The following NSL1 variants were observed in gnomAD, a reference collection of about 807,000 sequenced individuals.
The protein encoded by NSL1 is NSL1 component of MIS12 kinetochore complex.
NSL1 carries 11 observed loss-of-function variants against 25.4 expected under a neutral mutation model. That is an observed-to-expected ratio of 0.43 (90% confidence interval 0.27 to 0.72). The LOEUF is 0.72. Ranked by LOEUF, NSL1 falls within the 30% of genes least tolerant of loss-of-function variation. The pLI, the probability that NSL1 is intolerant of heterozygous loss-of-function variation, is 0.19. For synonymous variants in NSL1, 118 were observed against 120.6 expected (o/e 0.98, Z 0.14); for missense variants, 330 against 342.7 (o/e 0.96, Z 0.29).
chr1:212,771,242 A>G (rs1660095020), intron 4 of NSL1, among the ~76,000 whole-genome samples: 1 of 152,174 alleles, frequency 6.6e-6, no homozygotes. Flanking sequence ...TGAATCTGGG[A>G]GGCAGAGGTT....
In NSL1 at chr1:212,737,526, A is replaced by G. The variant is rs778725759; in HGVS notation, c.*882T>C. 5 of 981,578 alleles carry G rather than the reference A, an allele frequency of 5.1e-6. No individual in the cohort carries two copies. The highest frequency in any genetic ancestry group is 6.1e-6 in the Non-Finnish European group (5 of 826,400). 60.8% of individuals were successfully genotyped at this position (981,578 alleles called of 1,614,324 possible). ...TAGTTAAATGTTAGAAGTAAAGCCA[A>G]TATCGTTTTCTCAGACTTCTCCCAG... On this transcript the variant is annotated 3_prime_UTR_variant, in exon 6 of 6. Transcript: ENST00000366977.
chr1:212,764,262 G>A (rs142294129), intron 4 of NSL1, among the ~76,000 whole-genome samples: 2,410 of 151,992 alleles, frequency 0.016, 56 homozygotes, highest in African/African-American at 0.052. Flanking sequence ...AAAACCTCTG[G>A]GATACAGCAA....
intron 4 of NSL1, among the ~76,000 whole-genome samples, chr1:212,779,790 C>A (rs1294206693): frequency 1.6e-5 from 2 of 125,598 alleles, no homozygotes; most frequent in African/African-American, 6.2e-5. Context: ...GTGGGGGGGT[C>A]AGCCCCCCGC....
At chr1:212,745,281 T>C (rs1571870862) in intron 4 of NSL1, among the ~76,000 whole-genome samples, 1 of 149,146 alleles carries the variant, frequency 6.7e-6, no homozygotes, top group African/African-American at 2.5e-5. Context: ...TAAGAGATAA[T>C]GGCCAATAAC....
Position 212,779,203 on chromosome 1 carries a change from C to T in NSL1, c.499+3169G>A, listed in dbSNP as rs1325955498. The stretch of plus-strand genomic sequence containing the variant: ...CTGGGAAGTGAGGAGCGTCTCCGCC[C>T]GGCCAGCCGCCCCGTCTGGGAGGGA... On this transcript the variant is annotated intron_variant, in intron 4 of 5. Coordinates refer to ENST00000366977, the MANE Select transcript of NSL1 (RefSeq NM_015471.4). 7.2e-5 allele frequency among the ~76,000 whole-genome samples: 11 copies of T among 151,846 alleles called. No homozygotes were observed. In the South Asian group the frequency reaches 2.1e-3, roughly 29 times the overall value.
At chr1:212,748,037 A>AT (rs34738785) in intron 4 of NSL1, among the ~76,000 whole-genome samples, 1 of 151,566 alleles carries the variant, frequency 6.6e-6, no homozygotes, top group Non-Finnish European at 1.5e-5. Context: ...AAGTGCTGGG[A>AT]TTACAGGTAT....
rs1658100826 is a variant in NSL1, at chr1:212,733,249, T to C, written c.*5159A>G. Among the ~76,000 whole-genome samples, 1 of 151,956 alleles carries C rather than the reference T, an allele frequency of 6.6e-6. No homozygotes were observed. The highest frequency in any genetic ancestry group is 2.4e-5 in the African/African-American group (1 of 41,374). On this transcript the variant is annotated 3_prime_UTR_variant, in exon 6 of 6. Coordinates refer to ENST00000366977, the MANE Select transcript of NSL1 (RefSeq NM_015471.4). ...GCTCACGAGTTTGAGACCAGCCACATAGCGAAACTCCGTCTCTACAAAAAA... is the reference window on the plus strand; with the variant it reads ...GCTCACGAGTTTGAGACCAGCCACACAGCGAAACTCCGTCTCTACAAAAAA...
In NSL1 at chr1:212,767,194, C is replaced by G. The variant is rs146472565; in HGVS notation, c.499+15178G>C. On this transcript the variant is annotated intron_variant, in intron 4 of 5. Transcript: ENST00000366977. ...TTACATTATCTGACTTCAAACTATA[C>G]TGTTAGGCCACAGTCACCAAAACAA... 3.5e-3 allele frequency among the ~76,000 whole-genome samples: 531 copies of G among 152,278 alleles called. 2 individuals carry two copies. The highest frequency in any genetic ancestry group is 0.012 in the African/African-American group (507 of 41,552).
Position 212,737,107 on chromosome 1 carries a change from A to G in NSL1, c.*1301T>C. ...ACGCAGGGTGCTGACCCACCATCCA[A>G]CTGAAGCTGAGCTCAGGAATGCCTA... On this transcript the variant is annotated 3_prime_UTR_variant, in exon 6 of 6. Coordinates refer to ENST00000366977, the MANE Select transcript of NSL1 (RefSeq NM_015471.4). The G allele has an allele frequency of 1.0e-6, 1 of 985,474 alleles. No individual in the cohort carries two copies. The highest frequency in any genetic ancestry group is 1.2e-6 in the Non-Finnish European group (1 of 829,936). 61.0% of individuals were successfully genotyped at this position (985,474 alleles called of 1,614,324 possible).
At position 212,726,839 on chromosome 1, in the gene NSL1, A is replaced by C. The variant is rs1657809753; in HGVS notation, c.*11569T>G. On this transcript the variant is annotated 3_prime_UTR_variant, in exon 6 of 6. Transcript: ENST00000366977. ...TCCATGTGGCACGTGGGGATCTCCA[A>C]ATGACTTCTGTGCAACAACAGAGCC... 6.4e-6 allele frequency: 2 copies of C among 312,658 alleles called. No individual in the cohort carries two copies. The highest frequency in any genetic ancestry group is 4.3e-5 in the African/African-American group (2 of 46,554). 19.4% of individuals were successfully genotyped at this position (312,658 alleles called of 1,614,324 possible).
intron 4 of NSL1, among the ~76,000 whole-genome samples, chr1:212,779,983 G>A (rs1455608947): frequency 4.3e-4 from 65 of 151,870 alleles, no homozygotes; most frequent in Middle Eastern, 6.8e-3. Flanking sequence ...CTGCCCGGCC[G>A]CCACCCCGTC....
intron 4 of NSL1, chr1:212,782,006 A>G (rs1255323594): frequency 3.8e-6 from 2 of 529,180 alleles, no homozygotes; most frequent in Admixed American, 2.0e-5. Flanking sequence ...TTACTGCACC[A>G]GGTGTGACAC....
rs1308215885 is a variant in NSL1, at chr1:212,761,457, C to T, written c.499+20915G>A. Among the ~76,000 whole-genome samples the T allele has an allele frequency of 3.9e-5, 6 of 152,012 alleles. No homozygotes were observed. The South Asian group carries it at 6.2e-4, about 16-fold the overall frequency. On this transcript the variant is annotated intron_variant, in intron 4 of 5. Transcript: ENST00000366977. ...GAGTTTGGGGCCAGCCTTAGCAACACGGCAAAACCTTGCCTTTACAAAAAA... is the reference window on the plus strand; with the variant it reads ...GAGTTTGGGGCCAGCCTTAGCAACATGGCAAAACCTTGCCTTTACAAAAAA...
chr1:212,781,654 T>C (rs1660738459), intron 4 of NSL1, among the ~76,000 whole-genome samples: 1 of 152,198 alleles, frequency 6.6e-6, no homozygotes, highest in Admixed American at 6.5e-5. Flanking sequence ...AAATATCCCA[T>C]ATAAATAAAT....
At chr1:212,787,038 C>T (rs968089737) in intron 2 of NSL1, among the ~76,000 whole-genome samples, 2 of 151,958 alleles carry the variant, frequency 1.3e-5, no homozygotes, top group African/African-American at 4.8e-5. Context: ...GGCCACATGC[C>T]TGTAATCCCA....
chr1:212,782,884 A>C (rs1017248522), intron 3 of NSL1, among the ~76,000 whole-genome samples: 3 of 152,186 alleles, frequency 2.0e-5, no homozygotes, highest in East Asian at 3.8e-4. Context: ...GACACACTGA[A>C]ATTATAGTAG....
chr1:212,761,786 A>C (rs943077101), intron 4 of NSL1, among the ~76,000 whole-genome samples: 7 of 152,066 alleles, frequency 4.6e-5, no homozygotes, highest in African/African-American at 1.7e-4. Context: ...AAGAGATATC[A>C]TTTTAAAAAA....
chr1:212,754,775 A>AAAAAAAAAAAAC (rs1659225736), intron 4 of NSL1, among the ~76,000 whole-genome samples: 1 of 150,776 alleles, frequency 6.6e-6, no homozygotes, highest in Admixed American at 6.6e-5. Flanking sequence ...GTCTCAAAAA[A>AAAAAAAAAAAAC]AAAAAAAAAA....
At chr1:212,765,998 T>C (rs1200282049) in intron 4 of NSL1, among the ~76,000 whole-genome samples, 5 of 150,418 alleles carry the variant, frequency 3.3e-5, no homozygotes, top group Non-Finnish European at 7.4e-5. Flanking sequence ...TAGCTGGGCG[T>C]GGTGGCGGGT....
Sources: allele counts gnomAD v4.1 joint callset (sites outside exome capture counted in the v4.1 genomes callset), GRCh38; gene constraint gnomAD v4.1.1; transcripts MANE v1.5; gene names NCBI Gene and HGNC (gene_info 2026-07-23, HGNC 2026-07-21).